The following LPCAT1 variants were observed in gnomAD, a reference collection of about 807,000 sequenced individuals.
LPCAT1 encodes the protein lysophosphatidylcholine acyltransferase 1, also known as 1-acylglycerol-3-phosphate O-acyltransferase.
In LPCAT1, 23 loss-of-function variants were observed where a neutral mutation model predicts 60.9. The ratio of observed to expected loss-of-function variants is 0.38; its 90% CI spans 0.27 to 0.53. The LOEUF (loss-of-function observed/expected upper bound fraction) is 0.53, where lower values mean the gene tolerates loss of function less well. Ranked by LOEUF, LPCAT1 falls within the 20% of genes least tolerant of loss-of-function variation. The probability of loss-of-function intolerance (pLI) is 0.82; values close to 1 mark genes in which losing one functional copy is unlikely to be tolerated. For missense variants in LPCAT1, 622 were observed against 723.6 expected, an observed-to-expected ratio of 0.86 and a Z score of 1.61; for synonymous variants, 340 against 301.1, an observed-to-expected ratio of 1.13 and a Z score of -1.34.
chr5:1,467,047 A>C (rs910637828), intron 12 of LPCAT1, 157 bp from the exon 13 acceptor site: 1 of 689,434 alleles, frequency 1.5e-6, no homozygotes, highest in Non-Finnish European at 2.1e-6. Flanking sequence ...TTCCATGTGG[A>C]GCCATGCAGC....
intron 1 of LPCAT1, among the ~76,000 whole-genome samples, chr5:1,509,655 G>A (rs542809506): frequency 6.6e-6 from 1 of 152,110 alleles, no homozygotes; most frequent in Admixed American, 6.5e-5. Flanking sequence ...AGCAGGAAAC[G>A]CCCTCCTTTT....
At chr5:1,468,152 C>A (rs575628381) in intron 12 of LPCAT1, among the ~76,000 whole-genome samples, 1 of 152,216 alleles carries the variant, frequency 6.6e-6, no homozygotes, top group Non-Finnish European at 1.5e-5. Flanking sequence ...CTTCCCGGGG[C>A]TCTGCCTCTA....
At chr5:1,491,882 C>G (rs894423741) in intron 3 of LPCAT1, among the ~76,000 whole-genome samples, 2 of 152,248 alleles carry the variant, frequency 1.3e-5, no homozygotes, top group African/African-American at 4.8e-5. Context: ...ATATTTTGAA[C>G]ATTTTCAACA....
In LPCAT1 at chr5:1,480,864, G is replaced by A. The variant is rs556822595; in HGVS notation, c.761+78C>T. 20 of 1,536,062 alleles carry A rather than the reference G, an allele frequency of 1.3e-5. No homozygotes were observed. Among genetic ancestry groups the A allele is most frequent in the South Asian group, 5.6e-5 (5 of 89,546 alleles). On this transcript the variant is annotated intron_variant, in intron 7 of 13. Coordinates refer to ENST00000283415, the MANE Select transcript of LPCAT1 (RefSeq NM_024830.5). The surrounding 1 kb of genome is among the most constrained non-coding windows in gnomAD (Gnocchi z 6.4). ...TTTCACAACTGCAAAAGTAACTAGC[G>A]TGCACAGCAGACCCCAAGCAGCCCC...
chr5:1,508,311 C>G (rs1261369669), intron 1 of LPCAT1, among the ~76,000 whole-genome samples: 1 of 152,172 alleles, frequency 6.6e-6, no homozygotes. Flanking sequence ...AATTTTGCGC[C>G]CCCTTCCCCA....
chr5:1,502,928 A>T lies in LPCAT1; in HGVS notation c.136-1325T>A, dbSNP rs575300374. On this transcript the variant is annotated intron_variant, in intron 1 of 13. Transcript: ENST00000283415. This position sits in a 1 kb window ranked among gnomAD's most constrained non-coding sequence, Gnocchi z 5.5. ...CATTTAAAGGGAATGACAATTTAATATACAGCTCATTTCGCCCGGTATATC... is the reference window on the plus strand; with the variant it reads ...CATTTAAAGGGAATGACAATTTAATTTACAGCTCATTTCGCCCGGTATATC... Among the ~76,000 whole-genome samples, 1 of 152,276 alleles carries T rather than the reference A, an allele frequency of 6.6e-6. No individual in the cohort carries two copies. The highest frequency in any genetic ancestry group is 2.4e-5 in the African/African-American group (1 of 41,542).
chr5:1,469,467 C>G (rs1734580050), intron 12 of LPCAT1, among the ~76,000 whole-genome samples: 1 of 152,214 alleles, frequency 6.6e-6, no homozygotes, highest in Non-Finnish European at 1.5e-5. Flanking sequence ...CTTGGTGGCT[C>G]TACAGCAGGG....
intron 1 of LPCAT1, among the ~76,000 whole-genome samples, chr5:1,516,464 T>C (rs1301288839): frequency 1.3e-5 from 2 of 152,194 alleles, no homozygotes; most frequent in Non-Finnish European, 2.9e-5. Flanking sequence ...AGGCATTCCA[T>C]GCTGATCCAC....
At chr5:1,514,756 G>C (rs947992947) in intron 1 of LPCAT1, among the ~76,000 whole-genome samples, 1 of 152,132 alleles carries the variant, frequency 6.6e-6, no homozygotes, top group Non-Finnish European at 1.5e-5. Context: ...AGGCTCCTGG[G>C]ATCATTCCAA....
intron 1 of LPCAT1, among the ~76,000 whole-genome samples, chr5:1,509,998 T>G (rs1312832075): frequency 6.6e-6 from 1 of 152,214 alleles, no homozygotes; most frequent in Admixed American, 6.5e-5. Context: ...GAACATTTTA[T>G]GTTTACTGGG....
chr5:1,478,394 CGTCA>C (rs1263248644), intron 8 of LPCAT1, among the ~76,000 whole-genome samples: 1 of 152,252 alleles, frequency 6.6e-6, no homozygotes, highest in African/African-American at 2.4e-5. Context: ...GTATGAACAA[CGTCA>C]GTAAGGACAG....
At position 1,483,254 on chromosome 5, in the gene LPCAT1, G is replaced by A. The variant is rs1011132884; in HGVS notation, c.726+174C>T. Among the ~76,000 whole-genome samples the A allele has an allele frequency of 1.3e-5, 2 of 152,190 alleles. No individual in the cohort carries two copies. The highest frequency in any genetic ancestry group is 4.8e-5 in the African/African-American group (2 of 41,446). On this transcript the variant is annotated intron_variant, in intron 6 of 13. Transcript: ENST00000283415. This position sits in a 1 kb window ranked among gnomAD's most constrained non-coding sequence, Gnocchi z 9.2. Reference sequence around the variant, plus strand: ...GGAACGTGCCGAGCCCAGGGCCCGGGCCTGTCCTGCCCTCTCCAGCGCTGA... The same window carrying A: ...GGAACGTGCCGAGCCCAGGGCCCGGACCTGTCCTGCCCTCTCCAGCGCTGA...
At chr5:1,472,030 G>A (rs60548513) in intron 11 of LPCAT1, among the ~76,000 whole-genome samples, 110 of 10,558 alleles carry the variant, frequency 0.01, no homozygotes, top group African/African-American at 0.04. Context: ...AGGACGCTCT[G>A]GTCAGAGAGC....
At chr5:1,475,829 G>T (rs1254089478) in intron 9 of LPCAT1, among the ~76,000 whole-genome samples, 1 of 99,600 alleles carries the variant, frequency 1.0e-5, no homozygotes, top group Non-Finnish European at 2.5e-5. Flanking sequence ...GCCCCGCCCA[G>T]GCCCAGGAGT....
At chr5:1,519,051 CAG>C (rs1359518466) in intron 1 of LPCAT1, among the ~76,000 whole-genome samples, 9 of 152,248 alleles carry the variant, frequency 5.9e-5, no homozygotes, top group Non-Finnish European at 1.0e-4. Context: ...CCAGAAGCTG[CAG>C]AGTTTTAAAA....
intron 3 of LPCAT1, among the ~76,000 whole-genome samples, chr5:1,490,271 C>T (rs1735528246): frequency 6.6e-6 from 1 of 152,220 alleles, no homozygotes; most frequent in Admixed American, 6.5e-5. Context: ...CCCTAAAAGA[C>T]AAGCTGAAGT....
At chr5:1,509,129 G>C (rs984200437) in intron 1 of LPCAT1, among the ~76,000 whole-genome samples, 1 of 152,282 alleles carries the variant, frequency 6.6e-6, no homozygotes, top group African/African-American at 2.4e-5. Flanking sequence ...ACGAGGCAGG[G>C]GTGGAGGGGA....
rs1033475800 is a variant in LPCAT1 at position 1,496,028 on chromosome 5, G to C, written c.279-1114C>G. Among the ~76,000 whole-genome samples the C allele has an allele frequency of 6.6e-6, 1 of 152,192 alleles. No individual in the cohort carries two copies. The highest frequency in any genetic ancestry group is 1.5e-5 in the Non-Finnish European group (1 of 68,046). On this transcript the variant is annotated intron_variant, in intron 2 of 13. Transcript: ENST00000283415. The surrounding 1 kb of genome is among the most constrained non-coding windows in gnomAD (Gnocchi z 4.7). ...CTAGAGGAGGGGGGATTACACAGGT[G>C]TGCACTTCTTCACCACCTGTTCAGC...
In LPCAT1 at chr5:1,483,887, C is replaced by T. The variant is rs113029571; in HGVS notation, c.668-401G>A. Reference sequence around the variant, plus strand: ...AGGGACACTTGCTATTATAACATTGCGCACGAGCTGGAAGACATCCGTGGA... The same window carrying T: ...AGGGACACTTGCTATTATAACATTGTGCACGAGCTGGAAGACATCCGTGGA... On this transcript the variant is annotated intron_variant, in intron 5 of 13. Transcript: ENST00000283415. This position sits in a 1 kb window ranked among gnomAD's most constrained non-coding sequence, Gnocchi z 9.2. Among the ~76,000 whole-genome samples, 27 of 150,328 alleles carry T rather than the reference C, an allele frequency of 1.8e-4. No homozygotes were observed. The East Asian group carries it at 3.6e-3, about 20-fold the overall frequency.
Sources: gnomAD v4.1 joint callset for allele counts (sites outside exome capture counted in the v4.1 genomes callset) on GRCh38, gnomAD v4.1.1 for gene constraint, Gnocchi (gnomAD v3.1) non-coding constraint, MANE v1.5 for transcripts, NCBI Gene and HGNC (gene_info 2026-07-23, HGNC 2026-07-21) for gene names.